The following ATXN10 variants were observed in gnomAD, a reference collection of about 807,000 sequenced individuals.
The protein encoded by ATXN10 is ataxin 10.
In ATXN10, 28 loss-of-function variants were observed where a neutral mutation model predicts 52.9. That is an observed-to-expected ratio of 0.53 (90% CI 0.39 to 0.73). ATXN10 has a LOEUF of 0.73. Ranked by LOEUF, ATXN10 falls within the 30% of genes least tolerant of loss-of-function variation. The pLI, the probability that ATXN10 is intolerant of heterozygous loss-of-function variation, is 0.00. For synonymous variants in ATXN10, 226 were observed against 221.5 expected (o/e 1.02, Z -0.18); for missense variants, 565 against 577.0 (o/e 0.98, Z 0.21).
chr22:45,793,354 A>G (rs1927584466), intron 9 of ATXN10: 1 of 219,594 alleles, frequency 4.6e-6, no homozygotes, highest in South Asian at 1.8e-4. Context: ...GAAGCCTGGC[A>G]GTAATTGTTC....
rs1280971243 is a variant in ATXN10, at chr22:45,781,500, AT to A, written c.1174-25458del. ...CTGTTGTTGAACGAGCTCTGCTAAA[AT>A]AGGAGACTTAAACTTAAGATTCAGT... On this transcript the variant is annotated intron_variant, in intron 9 of 11. Transcript: ENST00000252934. The surrounding 1 kb of genome is among the most constrained non-coding windows in gnomAD (Gnocchi z 4.2). Among the ~76,000 whole-genome samples the A allele has an allele frequency of 6.6e-6, 1 of 152,226 alleles. No homozygotes were observed. The highest frequency in any genetic ancestry group is 1.5e-5 in the Non-Finnish European group (1 of 68,044).
intron 9 of ATXN10, chr22:45,793,695 A>C (rs1215747046): frequency 6.8e-7 from 1 of 1,472,256 alleles, no homozygotes; most frequent in East Asian, 2.6e-5. Flanking sequence ...CCAATCACAC[A>C]GCTCCATGCT....
rs780106641 is a variant in ATXN10, at chr22:45,843,155, TCTA to T, written c.1406_1408del (p.Thr469del). 6.8e-6 allele frequency: 11 copies of T among 1,613,958 alleles called. No homozygotes were observed. Among genetic ancestry groups the T allele is most frequent in the Non-Finnish European group, 9.3e-6 (11 of 1,179,886 alleles). On this transcript the variant is annotated inframe_deletion, in exon 11 of 12. Coordinates refer to ENST00000252934, the MANE Select transcript of ATXN10 (RefSeq NM_013236.4). This position sits in a 1 kb window ranked among gnomAD's most constrained non-coding sequence, Gnocchi z 4.5. Reference sequence around the variant, plus strand: ...GAAAGGCGAAAAGCTGATCCTGAAATCTACTAGAGACACCCCTAAGCCAGTAAG... The same window carrying T: ...GAAAGGCGAAAAGCTGATCCTGAAATCTAGAGACACCCCTAAGCCAGTAAG...
At chr22:45,731,761 G>A (rs755886877) in intron 7 of ATXN10, among the ~76,000 whole-genome samples, 3 of 152,102 alleles carry the variant, frequency 2.0e-5, no homozygotes, top group Non-Finnish European at 2.9e-5. Context: ...ATATACTTTC[G>A]TTCAGGACCA....
rs1162596698 is a variant in ATXN10 at position 45,790,588 on chromosome 22, TG to T, written c.1174-16365del. On this transcript the variant is annotated intron_variant, in intron 9 of 11. Transcript: ENST00000252934. The surrounding 1 kb of genome is among the most constrained non-coding windows in gnomAD (Gnocchi z 4.7). ...CAGATTTCAGTTAGTCTCTGACAGT[TG>T]GGGGGCTACACATTTGGGAGCAATC... Among the ~76,000 whole-genome samples, 3 of 152,192 alleles carry T rather than the reference TG, an allele frequency of 2.0e-5. No individual in the cohort carries two copies. Among genetic ancestry groups the T allele is most frequent in the Non-Finnish European group, 2.9e-5 (2 of 68,042 alleles).
chr22:45,843,726 C>T lies in ATXN10; in HGVS notation c.*55C>T. Reference sequence around the variant, plus strand: ...GGAATCTGTTTCATGGATTTTTCATCTTCTACCGTATGTGAAATTGCAAGT... The same window carrying T: ...GGAATCTGTTTCATGGATTTTTCATTTTCTACCGTATGTGAAATTGCAAGT... On this transcript the variant is annotated 3_prime_UTR_variant, in exon 12 of 12. Transcript: ENST00000252934. This position sits in a 1 kb window ranked among gnomAD's most constrained non-coding sequence, Gnocchi z 4.5. The T allele has an allele frequency of 6.5e-7, 1 of 1,547,258 alleles. No individual in the cohort carries two copies. The highest frequency in any genetic ancestry group is 8.9e-7 in the Non-Finnish European group (1 of 1,121,888).
At chr22:45,807,124 G>C (rs1385146442) in intron 10 of ATXN10, 102 bp downstream of exon 10, 1 of 938,076 alleles carries the variant, frequency 1.1e-6, no homozygotes, top group Admixed American at 1.7e-5. Context: ...TGGCTGCCTT[G>C]CTTGCTTGTT....
intron 9 of ATXN10, among the ~76,000 whole-genome samples, chr22:45,779,207 A>G (rs1944895129): frequency 6.6e-6 from 1 of 152,142 alleles, no homozygotes; most frequent in African/African-American, 2.4e-5. Flanking sequence ...GTTTCTAAGT[A>G]CAGAATGCAT....
In ATXN10 at chr22:45,790,692, G is replaced by A. The variant is rs1487869676; in HGVS notation, c.1174-16267G>A. 1.3e-5 allele frequency among the ~76,000 whole-genome samples: 2 copies of A among 152,140 alleles called. No individual in the cohort carries two copies. The highest frequency in any genetic ancestry group is 3.9e-4 in the East Asian group (2 of 5,192). Reference sequence around the variant, plus strand: ...ATGCCTTGCTTCTCTCATGGGTTTTGTAGGACCCAATCACAGTTTCTGTTC... The same window carrying A: ...ATGCCTTGCTTCTCTCATGGGTTTTATAGGACCCAATCACAGTTTCTGTTC... On this transcript the variant is annotated intron_variant, in intron 9 of 11. Transcript: ENST00000252934. This position sits in a 1 kb window ranked among gnomAD's most constrained non-coding sequence, Gnocchi z 4.7.
At chr22:45,758,601 T>C (rs892674392) in intron 9 of ATXN10, among the ~76,000 whole-genome samples, 14 of 152,252 alleles carry the variant, frequency 9.2e-5, no homozygotes, top group Non-Finnish European at 1.6e-4. Flanking sequence ...TGTTTCATGC[T>C]CTGACAGCTA....
chr22:45,734,373 A>G (rs1395608805), intron 7 of ATXN10: 1 of 276,440 alleles, frequency 3.6e-6, no homozygotes, highest in Non-Finnish European at 7.7e-6. Flanking sequence ...ATTAAAAAGC[A>G]TTTTCTGGAA....
chr22:45,745,214 C>G (rs1252638284), intron 9 of ATXN10, among the ~76,000 whole-genome samples: 1 of 152,182 alleles, frequency 6.6e-6, no homozygotes, highest in African/African-American at 2.4e-5. Context: ...TTTTTCTTCC[C>G]TATTCTTCTT....
Position 45,833,277 on chromosome 22 carries a change from C to T in ATXN10, c.1238-9714C>T, listed in dbSNP as rs1452629281. Among the ~76,000 whole-genome samples, 4 of 152,152 alleles carry T rather than the reference C, an allele frequency of 2.6e-5. No individual in the cohort carries two copies. The highest frequency in any genetic ancestry group is 4.8e-5 in the African/African-American group (2 of 41,442). On this transcript the variant is annotated intron_variant, in intron 10 of 11. Transcript: ENST00000252934. The surrounding 1 kb of genome is among the most constrained non-coding windows in gnomAD (Gnocchi z 4.3). ...CCGACTTCCTGGGAGCTGCTGAAGG[C>T]GTCGGGGGAGGTGGGGTGAGGAGGC...
intron 9 of ATXN10, among the ~76,000 whole-genome samples, chr22:45,752,949 G>A (rs563286886): frequency 3.9e-5 from 6 of 152,098 alleles, no homozygotes; most frequent in Admixed American, 3.9e-4. Context: ...GGTCAGGGTG[G>A]TCTTGAACTC....
chr22:45,719,667 T>C (rs970916223), intron 6 of ATXN10, among the ~76,000 whole-genome samples: 1 of 152,332 alleles, frequency 6.6e-6, no homozygotes, highest in African/African-American at 2.4e-5. Flanking sequence ...TATCTATTTT[T>C]AAATGGTTTA....
intron 10 of ATXN10, among the ~76,000 whole-genome samples, chr22:45,838,586 ACT>A (rs1158577137): frequency 6.6e-6 from 1 of 151,726 alleles, no homozygotes; most frequent in Non-Finnish European, 1.5e-5. Flanking sequence ...TTTCTCCCCT[ACT>A]CTTTCTTTCT....
At position 45,671,988 on chromosome 22, in the gene ATXN10, C is replaced by T; in HGVS notation, c.-76C>T. On this transcript the variant is annotated 5_prime_UTR_variant, in exon 1 of 12. Transcript: ENST00000252934. ...TTCCTCCTCGCCATCCTACTCCTCC[C>T]TCCTCGTCATCCTCCCCCTTCGTCC... is the stretch of plus-strand genomic sequence containing the variant. 3 of 1,484,972 alleles carry T rather than the reference C, an allele frequency of 2.0e-6. No individual in the cohort carries two copies. The highest frequency in any genetic ancestry group is 1.2e-5 in the South Asian group (1 of 82,122). The allele number at this position is 1,484,972 out of a possible 1,614,324, so 92.0% of individuals were successfully genotyped here.
intron 5 of ATXN10, among the ~76,000 whole-genome samples, chr22:45,709,743 C>T (rs1924173006): frequency 6.6e-6 from 1 of 152,180 alleles, no homozygotes; most frequent in Admixed American, 6.5e-5. Context: ...ACATATACAG[C>T]TTCCTATTAT....
rs1276750638 is a variant in ATXN10 at position 45,705,723 on chromosome 22, C to T, written c.647+2876C>T. Among the ~76,000 whole-genome samples the T allele has an allele frequency of 2.0e-5, 3 of 152,132 alleles. No homozygotes were observed. Among genetic ancestry groups the T allele is most frequent in the East Asian group, 1.9e-4 (1 of 5,190 alleles). On this transcript the variant is annotated intron_variant, in intron 5 of 11. Transcript: ENST00000252934. The surrounding 1 kb of genome is among the most constrained non-coding windows in gnomAD (Gnocchi z 5.2). ...TGCTGGGATTACAGGCGTGAGCCAC[C>T]GCGCCCGGCCTCCACTTGTTACGGG...
Sources: gnomAD v4.1 joint callset for allele counts (sites outside exome capture counted in the v4.1 genomes callset) on GRCh38, gnomAD v4.1.1 for gene constraint, Gnocchi (gnomAD v3.1) non-coding constraint, MANE v1.5 for transcripts, NCBI Gene and HGNC (gene_info 2026-07-23, HGNC 2026-07-21) for gene names.